Variants in SORCS2 observed in about 807,000 individuals in gnomAD.
The protein encoded by SORCS2 is VPS10 domain-containing receptor SorCS2.
Under a neutral mutation model 141.6 loss-of-function variants are expected in SORCS2, and 100 were observed. The ratio of observed to expected loss-of-function variants is 0.71; its 90% confidence interval spans 0.60 to 0.83. The LOEUF is 0.83. SORCS2 is among the 40% of genes least tolerant of loss of function. The pLI is 0.00. For missense variants in SORCS2, 1,646 were observed against 1,560.2 expected (o/e 1.05, Z -0.93); for synonymous variants, 789 against 676.9 (o/e 1.17, Z -2.57).
intron 2 of SORCS2, among the ~76,000 whole-genome samples, chr4:7,444,636 A>T (rs73796586): frequency 0.045 from 6,896 of 152,176 alleles, 529 homozygotes; most frequent in African/African-American, 0.16. Context: ...GGTAGTGGGG[A>T]GCCATAGCAG....
intron 3 of SORCS2, among the ~76,000 whole-genome samples, chr4:7,611,388 A>G (rs753178700): frequency 6.6e-6 from 1 of 152,212 alleles, no homozygotes; most frequent in Non-Finnish European, 1.5e-5. Context: ...ACCTACCTGC[A>G]CATAGATTCC....
intron 1 of SORCS2, among the ~76,000 whole-genome samples, chr4:7,393,051 C>T (rs548893446): frequency 7.9e-5 from 12 of 152,290 alleles, no homozygotes; most frequent in South Asian, 4.1e-4. Context: ...GCCTTCCCCA[C>T]GGCCGGGAGG....
chr4:7,536,535 C>T (rs1712136389), intron 3 of SORCS2, among the ~76,000 whole-genome samples: 1 of 152,102 alleles, frequency 6.6e-6, no homozygotes, highest in Non-Finnish European at 1.5e-5. Context: ...GCATGGTGGT[C>T]CTAGGGAACA....
chr4:7,253,424 C>T (rs1713639098), intron 1 of SORCS2, among the ~76,000 whole-genome samples: 1 of 152,236 alleles, frequency 6.6e-6, no homozygotes, highest in Non-Finnish European at 1.5e-5. Flanking sequence ...CCCCTGTTCT[C>T]ATTAGGGATC....
chr4:7,548,916 C>G (rs1713474770), intron 3 of SORCS2, among the ~76,000 whole-genome samples: 1 of 152,246 alleles, frequency 6.6e-6, no homozygotes, highest in Non-Finnish European at 1.5e-5. Flanking sequence ...CAGCAGGCCA[C>G]TTTCTGAGCC....
chr4:7,647,682 G>C (rs1721167881), intron 4 of SORCS2, among the ~76,000 whole-genome samples: 1 of 152,186 alleles, frequency 6.6e-6, no homozygotes, highest in Admixed American at 6.5e-5. Flanking sequence ...TTCTGATATG[G>C]ACGAGGAGGG....
intron 1 of SORCS2, among the ~76,000 whole-genome samples, chr4:7,345,580 G>T (rs1421023530): frequency 1.7e-4 from 25 of 150,124 alleles, no homozygotes; most frequent in Admixed American, 1.6e-3. Flanking sequence ...CAAGTCCTAG[G>T]ACCTCTCCAT....
intron 2 of SORCS2, among the ~76,000 whole-genome samples, chr4:7,466,700 C>T (rs955560060): frequency 6.6e-6 from 1 of 152,134 alleles, no homozygotes; most frequent in Admixed American, 6.5e-5. Flanking sequence ...GAGGCAGAAC[C>T]AGTGGGTGGC....
Position 7,676,001 on chromosome 4 carries a change from G to T in SORCS2, c.1162-49G>T, listed in dbSNP as rs966328995. Reference sequence around the variant, plus strand: ...TGCAGCCTGCTTCTTCCTCCCTCGTGCAGCCCCCAGCCTGGCTCTGACCCT... The same window carrying T: ...TGCAGCCTGCTTCTTCCTCCCTCGTTCAGCCCCCAGCCTGGCTCTGACCCT... On this transcript the variant is annotated intron_variant, in intron 8 of 26. Transcript: ENST00000507866. 5.8e-6 allele frequency: 9 copies of T among 1,542,596 alleles called. 1 individual carries two copies. Among genetic ancestry groups the T allele is most frequent in the Middle Eastern group, 3.6e-4 (2 of 5,632 alleles).
chr4:7,224,652 T>C (rs542212822), intron 1 of SORCS2, among the ~76,000 whole-genome samples: 1 of 152,328 alleles, frequency 6.6e-6, no homozygotes, highest in African/African-American at 2.4e-5. Flanking sequence ...TCCATCCCCG[T>C]GACCTCCCCC....
At position 7,421,176 on chromosome 4, in the gene SORCS2, G is replaced by T. The variant is rs1726020402; in HGVS notation, c.548+24821G>T. 2.0e-5 allele frequency among the ~76,000 whole-genome samples: 3 copies of T among 152,190 alleles called. No individual in the cohort carries two copies. The South Asian group carries it at 6.2e-4, about 32-fold the overall frequency. On this transcript the variant is annotated intron_variant, in intron 2 of 26. Coordinates refer to ENST00000507866, the MANE Select transcript of SORCS2 (RefSeq NM_020777.3). ...ACAAGCTGTTGGCTGAAGCCCCAGG[G>T]AAGGCACTGGGCTCTGCAGTGAGTC... is the stretch of plus-strand genomic sequence containing the variant.
chr4:7,641,920 A>G (rs1230253441), intron 4 of SORCS2, among the ~76,000 whole-genome samples: 2 of 97,868 alleles, frequency 2.0e-5, no homozygotes, highest in East Asian at 5.1e-4. Flanking sequence ...ATGTGTGGAC[A>G]GATGGATGGA....
At chr4:7,435,094 A>T (rs866848038) in intron 2 of SORCS2, 1 of 583,522 alleles carries the variant, frequency 1.7e-6, no homozygotes. Context: ...TTTCCCCTGG[A>T]TAAGATAAAC....
At chr4:7,540,152 G>A (rs115192060) in intron 3 of SORCS2, among the ~76,000 whole-genome samples, 14,002 of 37,526 alleles carry the variant, frequency 0.37, 1,215 homozygotes, top group Middle Eastern at 0.47. Flanking sequence ...GCCCCTCCCC[G>A]CCCCTGCCTC....
chr4:7,530,270 G>C (rs1711531639), intron 2 of SORCS2, among the ~76,000 whole-genome samples: 1 of 152,338 alleles, frequency 6.6e-6, no homozygotes, highest in Admixed American at 6.5e-5. Context: ...GAGAAGCACT[G>C]GCCCCACAGT....
chr4:7,540,395 C>T (rs1712532485), intron 3 of SORCS2, among the ~76,000 whole-genome samples: 1 of 152,122 alleles, frequency 6.6e-6, no homozygotes, highest in African/African-American at 2.4e-5. Flanking sequence ...CTAGGAAACC[C>T]TGTGAGTCAT....
rs914466419 is a variant in SORCS2 at position 7,262,964 on chromosome 4, A to G, written c.480+69838A>G. On this transcript the variant is annotated intron_variant, in intron 1 of 26. Transcript: ENST00000507866. The stretch of plus-strand genomic sequence containing the variant: ...TTTGAGGAGCTCTGGGAGTCCTACG[A>G]CTGAGGTCTCTGCCCAGTTTGGTCT... Among the ~76,000 whole-genome samples the G allele has an allele frequency of 9.2e-5, 14 of 152,182 alleles. 1 individual carries two copies. The highest frequency in any genetic ancestry group is 2.1e-4 in the Non-Finnish European group (14 of 68,030).
At chr4:7,498,243 G>A (rs566908374) in intron 2 of SORCS2, among the ~76,000 whole-genome samples, 5 of 152,320 alleles carry the variant, frequency 3.3e-5, no homozygotes, top group East Asian at 1.9e-4. Flanking sequence ...AACCTCTCAC[G>A]CCCAGGACTC....
intron 2 of SORCS2, among the ~76,000 whole-genome samples, chr4:7,416,582 A>G (rs1279301618): frequency 2.0e-5 from 3 of 152,140 alleles, no homozygotes; most frequent in Non-Finnish European, 2.9e-5. Flanking sequence ...ACACACATGC[A>G]GACACATGCT....
Sources: gnomAD v4.1 joint callset for allele counts (sites outside exome capture counted in the v4.1 genomes callset) on GRCh38, gnomAD v4.1.1 for gene constraint, MANE v1.5 for transcripts, NCBI Gene and HGNC (gene_info 2026-07-23, HGNC 2026-07-21) for gene names.